SYNE2: variants seen among roughly 807,000 people sequenced by gnomAD.
SYNE2 encodes spectrin repeat containing nuclear envelope protein 2.
Under a neutral mutation model 856.3 loss-of-function variants are expected in SYNE2, and 431 were observed. The observed-to-expected ratio is 0.50, with a 90% CI of 0.47 to 0.55. The LOEUF (loss-of-function observed/expected upper bound fraction) is 0.55, where lower values mean the gene tolerates loss of function less well. SYNE2 is among the 20% of genes least tolerant of loss of function. SYNE2 has a pLI of 0.00. For missense variants in SYNE2, 8,129 were observed against 8,023.2 expected (o/e 1.01, Z -0.50); for synonymous variants, 2,923 against 2,872.3 (o/e 1.02, Z -0.56).
At chr14:63,814,304 C>G (rs375017812) in intron 1 of SYNE2, among the ~76,000 whole-genome samples, 5 of 149,418 alleles carry the variant, frequency 3.3e-5, no homozygotes, top group Admixed American at 6.7e-5. Context: ...AAACAAAGAA[C>G]AGAACAAAAC....
chr14:63,961,203 T>G (rs2096308889), intron 8 of SYNE2, among the ~76,000 whole-genome samples: 1 of 152,350 alleles, frequency 6.6e-6, no homozygotes. Flanking sequence ...GAGGAATGCT[T>G]TATTTTCTCC....
At chr14:63,979,589 CCTT>C (rs1304741781) in intron 14 of SYNE2, among the ~76,000 whole-genome samples, 2 of 152,228 alleles carry the variant, frequency 1.3e-5, no homozygotes, top group Non-Finnish European at 2.9e-5. Context: ...TAGACTTTGT[CCTT>C]CTTTTTGTTT....
intron 12 of SYNE2, 49 bp from the exon 13 acceptor site, chr14:63,977,856 C>A (rs1294457458): frequency 8.0e-7 from 1 of 1,248,316 alleles, no homozygotes; most frequent in East Asian, 2.3e-5. Context: ...CCCTTAATTA[C>A]AGTGTTTGGC....
chr14:64,111,199 C>CAA (rs35950915), intron 65 of SYNE2, among the ~76,000 whole-genome samples: 3 of 129,722 alleles, frequency 2.3e-5, no homozygotes, highest in Non-Finnish European at 4.9e-5. Context: ...GACCCCATCT[C>CAA]AAAAAAAAAA....
At chr14:64,191,384 C>T (rs946909443) in intron 99 of SYNE2, among the ~76,000 whole-genome samples, 2 of 152,054 alleles carry the variant, frequency 1.3e-5, no homozygotes, top group African/African-American at 4.8e-5. Flanking sequence ...GGTTTGAGAG[C>T]TCAGATCCCA....
rs535083922 is a variant in SYNE2 at position 63,939,992 on chromosome 14, A to G, written c.80-622A>G. On this transcript the variant is annotated intron_variant, in intron 2 of 115. Transcript: ENST00000555002. The stretch of plus-strand genomic sequence containing the variant: ...TACTAAACGGTTTGGGCTTAAACTT[A>G]AAGTCTAGGTTAGGAACTCCTGTTG... Among the ~76,000 whole-genome samples, 6 of 152,146 alleles carry G rather than the reference A, an allele frequency of 3.9e-5. No homozygotes were observed. The South Asian group carries it at 1.2e-3, about 32-fold the overall frequency.
At chr14:64,217,993 CAG>C (rs2140320462) in intron 108 of SYNE2, among the ~76,000 whole-genome samples, 1 of 152,326 alleles carries the variant, frequency 6.6e-6, no homozygotes, top group Admixed American at 6.5e-5. Flanking sequence ...ACCACCTCTA[CAG>C]AGTGACAGGG....
intron 1 of SYNE2, among the ~76,000 whole-genome samples, chr14:63,793,817 G>C (rs893944703): frequency 7.3e-5 from 11 of 151,594 alleles, no homozygotes; most frequent in Non-Finnish European, 1.0e-4. Flanking sequence ...ACATGCCTTT[G>C]GTCTCAGCTA....
chr14:64,190,387 T>C (rs2098512536), intron 99 of SYNE2, 150 bp downstream of exon 99: 2 of 1,032,858 alleles, frequency 1.9e-6, no homozygotes, highest in Non-Finnish European at 2.9e-6. Flanking sequence ...GTGGAAATTC[T>C]TTCAGTGTTA....
intron 1 of SYNE2, among the ~76,000 whole-genome samples, chr14:63,803,170 C>A (rs111623839): frequency 6.6e-6 from 1 of 152,238 alleles, no homozygotes; most frequent in Non-Finnish European, 1.5e-5. Flanking sequence ...TTCTCCACCT[C>A]CCCACCAGAC....
At chr14:64,140,650 T>C (rs1264540756) in intron 80 of SYNE2, among the ~76,000 whole-genome samples, 1 of 152,238 alleles carries the variant, frequency 6.6e-6, no homozygotes, top group Non-Finnish European at 1.5e-5. Context: ...AAAACAACTT[T>C]ATAAGGTTAT....
At chr14:63,862,187 C>G (rs1893916659) in intron 1 of SYNE2, among the ~76,000 whole-genome samples, 1 of 152,208 alleles carries the variant, frequency 6.6e-6, no homozygotes, top group African/African-American at 2.4e-5. Flanking sequence ...ATAGATAAAA[C>G]TTATCTAGAG....
intron 63 of SYNE2, among the ~76,000 whole-genome samples, chr14:64,100,896 G>C (rs2097723389): frequency 6.6e-6 from 1 of 151,116 alleles, no homozygotes; most frequent in Admixed American, 6.6e-5. Context: ...AAAGGGAGAT[G>C]ATGTGGTATG....
Position 64,202,877 on chromosome 14 carries a change from G to A in SYNE2, c.18115G>A (p.Ala6039Thr), listed in dbSNP as rs1196158114. Residue 6039 changes from alanine to threonine, a missense_variant, in exon 100 of 116, where the codon GCT becomes ACT. Physicochemically the swap from Ala to Thr is moderately conservative, Grantham distance 58. This residue lies in a region of SYNE2 where 5,410 missense variants were observed against 5,284.8 expected (regional missense o/e 1.02). Coordinates refer to ENST00000555002, the MANE Select transcript of SYNE2 (RefSeq NM_182914.3). Reference sequence around the variant, plus strand: ...CATGAGCAACCTTCGCACCTGGTTGGCTCGAATTGAGTCTGAGCTTTCCAA... The same window carrying A: ...CATGAGCAACCTTCGCACCTGGTTGACTCGAATTGAGTCTGAGCTTTCCAA... ...KNMSNLRTWL[A>T]RIESELSKPV... 6.2e-7 allele frequency: 1 copy of A among 1,614,110 alleles called. No homozygotes were observed. Among genetic ancestry groups the A allele is most frequent in the South Asian group, 1.1e-5 (1 of 91,076 alleles).
At chr14:64,137,761 C>A in intron 78 of SYNE2, 26 bp from the exon 79 acceptor site, 1 of 1,611,980 alleles carries the variant, frequency 6.2e-7, no homozygotes, top group South Asian at 1.1e-5. Context: ...CTAAATAATT[C>A]ATTCTATGAC....
In SYNE2 at chr14:63,938,071, C is replaced by T. The variant is rs75898727; in HGVS notation, c.80-2543C>T. Among the ~76,000 whole-genome samples the T allele has an allele frequency of 1.1e-3, 161 of 152,164 alleles. 2 individuals are homozygous for T. The East Asian group carries it at 0.015, about 14-fold the overall frequency. ...ATGACCACGACAGCAAGGTGATTGA[C>T]GCAGGGCAGAAGACAAGTGTATTGG... On this transcript the variant is annotated intron_variant, in intron 2 of 115. Coordinates refer to ENST00000555002, the MANE Select transcript of SYNE2 (RefSeq NM_182914.3).
At chr14:63,798,659 G>C (rs1888014105) in intron 1 of SYNE2, among the ~76,000 whole-genome samples, 1 of 152,088 alleles carries the variant, frequency 6.6e-6, no homozygotes, top group African/African-American at 2.4e-5. Flanking sequence ...CTCCCAAAGT[G>C]CTGAGATTAC....
intron 1 of SYNE2, among the ~76,000 whole-genome samples, chr14:63,813,020 C>A (rs1888676193): frequency 6.6e-6 from 1 of 152,110 alleles, no homozygotes; most frequent in Non-Finnish European, 1.5e-5. Context: ...ACTTTGGGGA[C>A]CTCAAGAAGA....
At position 64,019,898 on chromosome 14, in the gene SYNE2, T is replaced by A. The variant is rs1397041207; in HGVS notation, c.5050-94T>A. 5.1e-5 allele frequency: 44 copies of A among 854,868 alleles called. 1 individual carries two copies. The South Asian group carries it at 5.9e-4, about 12-fold the overall frequency. The allele number at this position is 854,868 out of a possible 1,614,324, so 53.0% of individuals were successfully genotyped here. ...ATGATTATGGGAAATTCAAGGGCTC[T>A]CTCAGTTTCTATATATAAACAGTAG... On this transcript the variant is annotated intron_variant, in intron 34 of 115. Coordinates refer to ENST00000555002, the MANE Select transcript of SYNE2 (RefSeq NM_182914.3).
Sources: allele counts gnomAD v4.1 joint callset (sites outside exome capture counted in the v4.1 genomes callset), GRCh38; gene constraint gnomAD v4.1.1; regional missense constraint gnomAD v4.1.1; transcripts MANE v1.5; gene names NCBI Gene and HGNC (gene_info 2026-07-23, HGNC 2026-07-21).